RIPOR3: variants seen among roughly 807,000 people sequenced by gnomAD.
The protein encoded by RIPOR3 is family with sequence similarity 65 member C.
In RIPOR3, 95 loss-of-function variants were observed where a neutral mutation model predicts 114.3. The ratio of observed to expected loss-of-function variants is 0.83; its 90% CI spans 0.70 to 0.99. The LOEUF is 0.99. Ranked by LOEUF, RIPOR3 falls within the 50% of genes least tolerant of loss-of-function variation. The probability of loss-of-function intolerance (pLI) is 0.00; values close to 1 mark genes in which losing one functional copy is unlikely to be tolerated. For synonymous variants in RIPOR3, 575 were observed against 543.8 expected, an observed-to-expected ratio of 1.06 and a Z score of -0.80; for missense variants, 1,252 against 1,266.9, an observed-to-expected ratio of 0.99 and a Z score of 0.18.
intron 2 of RIPOR3, among the ~76,000 whole-genome samples, chr20:50,623,977 C>T (rs1014640986): frequency 1.3e-5 from 2 of 152,126 alleles, no homozygotes; most frequent in Admixed American, 1.3e-4. Context: ...GCTGGGATTA[C>T]AGGCATCTGC....
rs1174636895 is a variant in RIPOR3 at position 50,621,445 on chromosome 20, A to G, written c.123-1313T>C. On this transcript the variant is annotated intron_variant, in intron 2 of 21. Coordinates refer to ENST00000327979, the MANE Select transcript of RIPOR3 (RefSeq NM_001290268.2). Reference sequence around the variant, plus strand: ...TCAACATGCACACACACATTTGCACATGCACACATGCACACGGGATTGTTT... The same window carrying G: ...TCAACATGCACACACACATTTGCACGTGCACACATGCACACGGGATTGTTT... Among the ~76,000 whole-genome samples the G allele has an allele frequency of 6.8e-5, 10 of 146,582 alleles. No individual in the cohort carries two copies. The East Asian group carries it at 1.4e-3, about 20-fold the overall frequency.
rs1390659436 is a variant in RIPOR3, at chr20:50,620,039, G to A, written c.216C>T (p.Asp72=). 6.8e-6 allele frequency: 11 copies of A among 1,614,014 alleles called. No individual in the cohort carries two copies. Among genetic ancestry groups the A allele is most frequent in the Admixed American group, 1.7e-5 (1 of 59,998 alleles). Reference sequence around the variant, plus strand: ...TCTTCTTCACCTGCTGGGGCTTCGGGTCTGCACAGACCGACCCCTTCCGCA... The same window carrying A: ...TCTTCTTCACCTGCTGGGGCTTCGGATCTGCACAGACCGACCCCTTCCGCA... The part of the protein sequence containing the change: ...GTLRKGSVCA[D]PKPQQVKKIF... The change falls in exon 3 of 22, where the codon GAC becomes GAT. Residue 72 remains aspartate, a synonymous_variant. Coordinates refer to ENST00000327979, the MANE Select transcript of RIPOR3 (RefSeq NM_001290268.2).
At chr20:50,664,716 G>A (rs1270380106) in intron 1 of RIPOR3, among the ~76,000 whole-genome samples, 2 of 152,124 alleles carry the variant, frequency 1.3e-5, no homozygotes, top group Non-Finnish European at 2.9e-5. Context: ...GTTGCTTTGG[G>A]TATAGTGTTG....
chr20:50,642,199 T>C (rs1376219074), intron 1 of RIPOR3, among the ~76,000 whole-genome samples: 1 of 152,140 alleles, frequency 6.6e-6, no homozygotes, highest in Non-Finnish European at 1.5e-5. Context: ...AATCTCCTCT[T>C]CTGGGAATTT....
chr20:50,630,191 C>A (rs1260947528), intron 2 of RIPOR3, among the ~76,000 whole-genome samples: 1 of 152,196 alleles, frequency 6.6e-6, no homozygotes, highest in Non-Finnish European at 1.5e-5. Flanking sequence ...TGGTCTCCAA[C>A]TTCTGACCTC....
At chr20:50,672,794 C>G (rs781464964) in intron 1 of RIPOR3, among the ~76,000 whole-genome samples, 1 of 152,246 alleles carries the variant, frequency 6.6e-6, no homozygotes, top group African/African-American at 2.4e-5. Context: ...CACCCACCAC[C>G]CCAGGTTTGG....
intron 1 of RIPOR3, among the ~76,000 whole-genome samples, chr20:50,674,696 C>G (rs2086629368): frequency 6.6e-6 from 1 of 150,656 alleles, no homozygotes; most frequent in African/African-American, 2.4e-5. Flanking sequence ...CTTGTAATCC[C>G]AGGGCTTTAG....
intron 11 of RIPOR3, among the ~76,000 whole-genome samples, chr20:50,605,546 A>G (rs2083677652): frequency 6.6e-6 from 1 of 152,046 alleles, no homozygotes; most frequent in Admixed American, 6.6e-5. Flanking sequence ...AGGCAGGCAG[A>G]TGACTTGAGC....
chr20:50,616,050 C>A lies in RIPOR3; in HGVS notation c.300G>T (p.Leu100=). ...KEYLCVQQAE[L]DHLSGRHKDT... ...CTTTGTGGCGTCCAGACAGGTGGTC[C>A]AGCTCAGCCTGCTGCACACACAGAT... Residue 100 remains leucine, a synonymous_variant, in exon 4 of 22, where the codon CTG becomes CTT. Coordinates refer to ENST00000327979, the MANE Select transcript of RIPOR3 (RefSeq NM_001290268.2). The A allele has an allele frequency of 1.9e-6, 3 of 1,612,000 alleles. No individual in the cohort carries two copies. The highest frequency in any genetic ancestry group is 2.5e-6 in the Non-Finnish European group (3 of 1,179,224).
At chr20:50,630,571 A>ATCTCTCTCTC (rs140830420) in intron 2 of RIPOR3, among the ~76,000 whole-genome samples, 167 bp downstream of exon 2, 1 of 133,044 alleles carries the variant, frequency 7.5e-6, no homozygotes, top group Non-Finnish European at 1.7e-5. Flanking sequence ...CTCAATCTCA[A>ATCTCTCTCTC]TCTCTCTCTC....
chr20:50,640,932 G>A (rs556675594), intron 1 of RIPOR3, among the ~76,000 whole-genome samples: 4 of 144,922 alleles, frequency 2.8e-5, no homozygotes, highest in East Asian at 4.0e-4. Context: ...TTTTTGAGAC[G>A]GAGCTTTGCT....
Position 50,609,345 on chromosome 20 carries a change from G to T in RIPOR3, c.588C>A (p.Leu196=). Reference sequence around the variant, plus strand: ...GGTGAACCTCCAGGGCCCCCTCGATGAGCCACATGTCCTGCAAAGCCCCGG... The same window carrying T: ...GGTGAACCTCCAGGGCCCCCTCGATTAGCCACATGTCCTGCAAAGCCCCGG... ...SLHECAEDMW[L]IEGALEVHLG... The change falls in exon 8 of 22, where the codon CTC becomes CTA. Residue 196 remains leucine, a synonymous_variant. Coordinates refer to ENST00000327979, the MANE Select transcript of RIPOR3 (RefSeq NM_001290268.2). 1 of 1,613,838 alleles carries T rather than the reference G, an allele frequency of 6.2e-7. No homozygotes were observed. Among genetic ancestry groups the T allele is most frequent in the Non-Finnish European group, 8.5e-7 (1 of 1,179,816 alleles).
chr20:50,595,638 T>G, intron 15 of RIPOR3, 134 bp from the exon 16 acceptor site: 1 of 1,283,576 alleles, frequency 7.8e-7, no homozygotes, highest in South Asian at 1.4e-5. Flanking sequence ...CATTTGGGGA[T>G]TCCCCTTTCA....
rs924783626 is a variant in RIPOR3, at chr20:50,620,926, T to C, written c.123-794A>G. 9 of 546,780 alleles carry C rather than the reference T, an allele frequency of 1.6e-5. No homozygotes were observed. The African/African-American group carries it at 1.7e-4, about 11-fold the overall frequency. The allele number at this position is 546,780 out of a possible 1,614,324, so 33.9% of individuals were successfully genotyped here. A position where few individuals can be genotyped will look rare whatever the true frequency, so the allele number is the denominator to read the frequency against. On this transcript the variant is annotated intron_variant, in intron 2 of 21. Coordinates refer to ENST00000327979, the MANE Select transcript of RIPOR3 (RefSeq NM_001290268.2). ...GTGGCTTTGCCCTGTACAAGCAGCA[T>C]GCTATGGAGTTACTGAAGGTCTCCA...
intron 2 of RIPOR3, among the ~76,000 whole-genome samples, chr20:50,627,017 G>GAAAAAAAA (rs1193955700): frequency 8.1e-6 from 1 of 123,060 alleles, no homozygotes. Flanking sequence ...TCCGTCTCAA[G>GAAAAAAAA]AAAAAAAAAA....
chr20:50,610,807 C>G, intron 6 of RIPOR3, 46 bp downstream of exon 6: 2 of 1,613,334 alleles, frequency 1.2e-6, no homozygotes, highest in Non-Finnish European at 1.7e-6. Context: ...GCCCAGCAAG[C>G]TGGCACTGCC....
At chr20:50,687,513 T>C (rs1480176589) in intron 1 of RIPOR3, among the ~76,000 whole-genome samples, 1 of 152,224 alleles carries the variant, frequency 6.6e-6, no homozygotes, top group Admixed American at 6.5e-5. Context: ...CAACCAGCTC[T>C]CCAAGGGAAA....
chr20:50,655,757 C>T (rs2123428808), intron 1 of RIPOR3, among the ~76,000 whole-genome samples: 1 of 152,056 alleles, frequency 6.6e-6, no homozygotes, highest in African/African-American at 2.4e-5. Context: ...TCAGCCAGGA[C>T]ACTCTGCTCT....
Position 50,614,247 on chromosome 20 carries a change from G to A in RIPOR3, c.348+1755C>T, listed in dbSNP as rs1244233419. Among the ~76,000 whole-genome samples, 5 of 152,270 alleles carry A rather than the reference G, an allele frequency of 3.3e-5. No homozygotes were observed. In the East Asian group the frequency reaches 9.6e-4, roughly 29 times the overall value. On this transcript the variant is annotated intron_variant, in intron 4 of 21. Coordinates refer to ENST00000327979, the MANE Select transcript of RIPOR3 (RefSeq NM_001290268.2). ...GATGGGGTTTCACCATGTTGGCCAGGCTGGTCTCAAACTCCTGATCTCGAG... is the reference window on the plus strand; with the variant it reads ...GATGGGGTTTCACCATGTTGGCCAGACTGGTCTCAAACTCCTGATCTCGAG...
Sources: allele counts gnomAD v4.1 joint callset (sites outside exome capture counted in the v4.1 genomes callset), GRCh38; gene constraint gnomAD v4.1.1; transcripts MANE v1.5; gene names NCBI Gene and HGNC (gene_info 2026-07-23, HGNC 2026-07-21).